The following P2RX7 variants were observed in gnomAD, a reference collection of about 807,000 sequenced individuals.
The protein encoded by P2RX7 is purinergic receptor P2X 7, also known as P2X purinoceptor 7.
A neutral mutation model predicts 71.6 loss-of-function variants in P2RX7; 62 were observed. The ratio of observed to expected loss-of-function variants is 0.87; its 90% CI spans 0.71 to 1.07. P2RX7 has a LOEUF of 1.07. Among genes scored for constraint, P2RX7 ranks in the 50% least tolerant of loss-of-function variants. P2RX7 has a pLI of 0.00. For missense variants in P2RX7, 686 were observed against 748.5 expected (o/e 0.92, Z 0.97); for synonymous variants, 299 against 283.3 (o/e 1.06, Z -0.56).
intron 3 of P2RX7, 78 bp downstream of exon 3, chr12:121,156,225 C>T (rs545612717): frequency 2.5e-5 from 30 of 1,181,096 alleles, no homozygotes; most frequent in South Asian, 2.4e-4. Flanking sequence ...AGCAGAAATG[C>T]GGACCCTGGG....
intron 3 of P2RX7, among the ~76,000 whole-genome samples, chr12:121,160,107 T>TCC (rs1391513030): frequency 2.0e-5 from 3 of 151,912 alleles, no homozygotes; most frequent in African/African-American, 7.3e-5. Context: ...CTTTCTTTTT[T>TCC]TTTCCTTTCT....
chr12:121,155,101 A>G, intron 2 of P2RX7, 148 bp downstream of exon 2: 1 of 1,476,552 alleles, frequency 6.8e-7, no homozygotes. Context: ...GAGAAAACCT[A>G]AAAATTGCAA....
At chr12:121,133,157 C>T (rs928990782) in intron 1 of P2RX7, 62 bp downstream of exon 1, 48 of 1,588,226 alleles carry the variant, frequency 3.0e-5, no homozygotes, top group Non-Finnish European at 3.6e-5. Context: ...AAAGCCCCAG[C>T]GGGCAGCTTC....
In P2RX7 at chr12:121,185,083, C is replaced by CAAAA. The variant is rs375969132; in HGVS notation, c.*290_*293dup. On this transcript the variant is annotated 3_prime_UTR_variant, in exon 13 of 13. Transcript: ENST00000328963. ...CTGGGAGGCACAGCAAACTGTCCCC[C>CAAAA]AAAAAAAAAAAAGAGTCCTTACCAA... 1.2e-3 allele frequency: 259 copies of CAAAA among 211,292 alleles called. No homozygotes were observed. The highest frequency in any genetic ancestry group is 3.4e-3 in the Middle Eastern group (2 of 586). 13.1% of individuals were successfully genotyped at this position (211,292 alleles called of 1,614,324 possible).
intron 1 of P2RX7, among the ~76,000 whole-genome samples, chr12:121,138,809 G>C (rs1237227971): frequency 6.6e-6 from 1 of 152,212 alleles, no homozygotes; most frequent in Non-Finnish European, 1.5e-5. Flanking sequence ...CAGGAGCCCT[G>C]CTCCTCATCT....
chr12:121,146,948 A>C, intron 1 of P2RX7, among the ~76,000 whole-genome samples: 1 of 152,246 alleles, frequency 6.6e-6, no homozygotes, highest in East Asian at 1.9e-4. Flanking sequence ...CCAGATTGTA[A>C]AGGATGAAGT....
Position 121,133,046 on chromosome 12 carries a change from T to C in P2RX7, c.76T>C (p.Tyr26His). 1 of 1,614,100 alleles carries C rather than the reference T, an allele frequency of 6.2e-7. No homozygotes were observed. The highest frequency in any genetic ancestry group is 2.2e-5 in the East Asian group (1 of 44,868). Residue 26 changes from tyrosine (Y) to histidine (H), a missense_variant, in exon 1 of 13, where the codon TAT becomes CAT. Coordinates refer to ENST00000328963, the MANE Select transcript of P2RX7 (RefSeq NM_002562.6). Reference protein sequence around the residue: ...NKVTRIQSMNYGTIKWFFHVI... With the variant: ...NKVTRIQSMNHGTIKWFFHVI... ...AGTCACTCGGATCCAGAGCATGAAT[T>C]ATGGCACCATTAAGTGGTTCTTCCA...
intron 1 of P2RX7, among the ~76,000 whole-genome samples, chr12:121,148,790 A>G (rs2136019042): frequency 6.6e-6 from 1 of 152,238 alleles, no homozygotes; most frequent in Admixed American, 6.5e-5. Flanking sequence ...CCAGCGATGG[A>G]CCTGATCGGA....
chr12:121,136,021 A>ATATATATATAT (rs1250639431), intron 1 of P2RX7, among the ~76,000 whole-genome samples: 1 of 16,610 alleles, frequency 6.0e-5, no homozygotes, highest in Non-Finnish European at 3.3e-4. Context: ...AAAAAAAAAA[A>ATATATATATAT]AAATATATAT....
intron 8 of P2RX7, among the ~76,000 whole-genome samples, chr12:121,172,942 T>G (rs796656314): frequency 8.4e-5 from 11 of 131,118 alleles, no homozygotes; most frequent in African/African-American, 2.8e-4. Context: ...TAACTTTATC[T>G]AAAAAGAATC....
chr12:121,177,586 T>G, intron 11 of P2RX7, 140 bp downstream of exon 11: 1 of 808,542 alleles, frequency 1.2e-6, no homozygotes, highest in Non-Finnish European at 1.9e-6. Context: ...ATCAACCAAC[T>G]CTCAGATAAA....
intron 6 of P2RX7, 111 bp downstream of exon 6, chr12:121,165,548 T>C: frequency 1.2e-6 from 1 of 852,994 alleles, no homozygotes; most frequent in Middle Eastern, 2.3e-4. Context: ...ACGGTTTCTG[T>C]GGGTCAGGAA....
At position 121,162,525 on chromosome 12, in the gene P2RX7, G is replaced by A. The variant is rs147904440; in HGVS notation, c.533+5G>A. The A allele has an allele frequency of 1.2e-6, 2 of 1,611,818 alleles. No homozygotes were observed. Among genetic ancestry groups the A allele is most frequent in the East Asian group, 4.5e-5 (2 of 44,874 alleles). ...GGCAGTGGAAGAGGCCCCCCGGTGAGTCGCATGGGGAGACAGACACAGTGG... is the reference window on the plus strand; with the variant it reads ...GGCAGTGGAAGAGGCCCCCCGGTGAATCGCATGGGGAGACAGACACAGTGG... On this transcript the variant is annotated splice_donor_5th_base_variant and intron_variant, in intron 5 of 12. Transcript: ENST00000328963.
intron 3 of P2RX7, among the ~76,000 whole-genome samples, chr12:121,159,417 CAAAAAAAAAA>C (rs397850013): frequency 3.0e-5 from 2 of 65,768 alleles, no homozygotes; most frequent in African/African-American, 6.0e-5. Context: ...ACTCTGTCTC[CAAAAAAAAAA>C]AAAAAAAAAA....
chr12:121,167,077 T>C (rs1881218365), intron 7 of P2RX7, among the ~76,000 whole-genome samples: 1 of 150,808 alleles, frequency 6.6e-6, no homozygotes, highest in Admixed American at 6.6e-5. Flanking sequence ...AAATCCTTCA[T>C]GTATTCGCAT....
At chr12:121,170,765 C>T (rs1882021859) in intron 8 of P2RX7, among the ~76,000 whole-genome samples, 1 of 152,110 alleles carries the variant, frequency 6.6e-6, no homozygotes, top group Non-Finnish European at 1.5e-5. Flanking sequence ...CAGAGCAAAG[C>T]TCTGTCTTTA....
intron 3 of P2RX7, among the ~76,000 whole-genome samples, chr12:121,157,904 T>C (rs1878909379): frequency 6.6e-6 from 1 of 152,178 alleles, no homozygotes; most frequent in South Asian, 2.1e-4. Context: ...TTATAAGCAC[T>C]CAATGAATGT....
At chr12:121,163,364 A>G (rs992632354) in intron 5 of P2RX7, among the ~76,000 whole-genome samples, 5 of 150,438 alleles carry the variant, frequency 3.3e-5, no homozygotes, top group South Asian at 4.2e-4. Flanking sequence ...ACACGCACAC[A>G]CACACACACA....
At chr12:121,133,695 AG>A (rs1353733993) in intron 1 of P2RX7, among the ~76,000 whole-genome samples, 1 of 152,188 alleles carries the variant, frequency 6.6e-6, no homozygotes, top group Non-Finnish European at 1.5e-5. Flanking sequence ...TCGACTCAAA[AG>A]GAATCCCACA....
Sources: allele counts gnomAD v4.1 joint callset (sites outside exome capture counted in the v4.1 genomes callset), GRCh38; gene constraint gnomAD v4.1.1; transcripts MANE v1.5; gene names NCBI Gene and HGNC (gene_info 2026-07-23, HGNC 2026-07-21).